The following TUSC3 variants were observed in gnomAD, a reference collection of about 807,000 sequenced individuals.
TUSC3 encodes tumor suppressor candidate 3.
In TUSC3, 45 loss-of-function variants were observed where a neutral mutation model predicts 44.8. The observed-to-expected ratio is 1.00, with a 90% CI of 0.79 to 1.29. The LOEUF is 1.29. Ranked by LOEUF, TUSC3 falls within the 50% of genes most tolerant of loss-of-function variation. The probability of loss-of-function intolerance (pLI) is 0.00; values close to 1 mark genes in which losing one functional copy is unlikely to be tolerated. For missense variants in TUSC3, 519 were observed against 437.9 expected (o/e 1.19, Z -1.65); for synonymous variants, 212 against 152.9 (o/e 1.39, Z -2.85).
At chr8:15,707,661 G>C (rs1809673145) in intron 6 of TUSC3, among the ~76,000 whole-genome samples, 2 of 151,906 alleles carry the variant, frequency 1.3e-5, no homozygotes, top group South Asian at 2.1e-4. Flanking sequence ...TGACTCTATA[G>C]GAGATGTGGA....
rs9657260 is a variant in TUSC3 at position 15,612,837 on chromosome 8, C to T, written c.139-10243C>T. 1.0e-2 allele frequency among the ~76,000 whole-genome samples: 1,512 copies of T among 151,922 alleles called. 24 individuals carry two copies. The highest frequency in any genetic ancestry group is 0.034 in the African/African-American group (1,424 of 41,436). ...TTATGGCATCTTGGACTGTATGTCC[C>T]ATCTTGTATCAGTAAGAGACAAAGC... On this transcript the variant is annotated intron_variant, in intron 1 of 10. Coordinates refer to ENST00000503731, the MANE Select transcript of TUSC3 (RefSeq NM_006765.4).
chr8:15,663,143 T>G (rs1235981696), intron 5 of TUSC3, among the ~76,000 whole-genome samples: 4 of 151,606 alleles, frequency 2.6e-5, no homozygotes, highest in African/African-American at 9.7e-5. Context: ...TCTTTCACAA[T>G]AGGAAGGGAA....
intron 6 of TUSC3, among the ~76,000 whole-genome samples, chr8:15,675,967 GTCGAAC>G (rs1808170988): frequency 6.6e-6 from 1 of 152,098 alleles, no homozygotes; most frequent in African/African-American, 2.4e-5. Flanking sequence ...GGATCGCTGG[GTCGAAC>G]GGTAGTTCTA....
chr8:15,432,431 A>G (rs1799883770), intron 1 of TUSC3, among the ~76,000 whole-genome samples: 1 of 152,080 alleles, frequency 6.6e-6, no homozygotes, highest in Non-Finnish European at 1.5e-5. Flanking sequence ...TACTTTATCC[A>G]TTAGAGCACT....
chr8:15,632,437 G>A (rs921472636), intron 2 of TUSC3, among the ~76,000 whole-genome samples: 2 of 152,112 alleles, frequency 1.3e-5, no homozygotes, highest in Non-Finnish European at 2.9e-5. Context: ...TCATATACCA[G>A]TGCTGAGATT....
At chr8:15,584,742 T>C (rs998660631) in intron 1 of TUSC3, among the ~76,000 whole-genome samples, 1 of 152,012 alleles carries the variant, frequency 6.6e-6, no homozygotes, top group Non-Finnish European at 1.5e-5. Flanking sequence ...AAATCCCAGG[T>C]AGTGAGAACA....
At chr8:15,678,806 C>A (rs2129184904) in intron 6 of TUSC3, among the ~76,000 whole-genome samples, 1 of 152,236 alleles carries the variant, frequency 6.6e-6, no homozygotes, top group Non-Finnish European at 1.5e-5. Flanking sequence ...GAGTCCGTAG[C>A]ATCTGTTGTT....
At chr8:15,511,411 G>T (rs1450291111) in intron 2 of TUSC3, among the ~76,000 whole-genome samples, 1 of 152,142 alleles carries the variant, frequency 6.6e-6, no homozygotes, top group African/African-American at 2.4e-5. Flanking sequence ...ATAGTTACTA[G>T]AAATATGTGA....
chr8:15,452,479 C>G (rs377383942), intron 1 of TUSC3, among the ~76,000 whole-genome samples: 4 of 152,102 alleles, frequency 2.6e-5, no homozygotes, highest in Admixed American at 2.0e-4. Context: ...GATGATATCT[C>G]CTTAGTTTCT....
chr8:15,806,904 G>A, the TUSC3 span: 10 of 1,359,018 alleles, frequency 7.4e-6, no homozygotes, highest in South Asian at 1.2e-4. Flanking sequence ...GCTTACATCT[G>A]TTGACCCACT....
intron 2 of TUSC3, among the ~76,000 whole-genome samples, chr8:15,639,426 C>G (rs997180289): frequency 2.0e-5 from 3 of 152,122 alleles, no homozygotes; most frequent in Non-Finnish European, 4.4e-5. Flanking sequence ...TGAAAAGTTT[C>G]TTGATAGACA....
rs1800279451 is a variant in TUSC3 at position 15,457,848 on chromosome 8, TC to T, written n.92-25537del. Among the ~76,000 whole-genome samples the T allele has an allele frequency of 2.6e-4, 10 of 38,826 alleles. No homozygotes were observed. The Admixed American group carries it at 2.7e-3, about 10-fold the overall frequency. The allele number at this position is 38,826 out of a possible 152,430, so 25.5% of individuals were successfully genotyped here. On this transcript the variant is annotated intron_variant and non_coding_transcript_variant, in intron 1 of 5. Transcript: ENST00000503191. ...AATTATTAATAAATTAGATTAATTA[TC>T]TAATAATTATCTAATAAATTAATTA...
chr8:15,603,654 G>A (rs1350259689), intron 1 of TUSC3, among the ~76,000 whole-genome samples: 3 of 151,484 alleles, frequency 2.0e-5, no homozygotes, highest in Non-Finnish European at 4.4e-5. Flanking sequence ...TTAGTGACAG[G>A]TCTGATAGCC....
the TUSC3 span, among the ~76,000 whole-genome samples, chr8:15,784,215 G>A: frequency 5.3e-5 from 8 of 152,238 alleles, no homozygotes; most frequent in South Asian, 6.2e-4. Context: ...TGAGGATGTG[G>A]AGAAAAGGGA....
the TUSC3 span, among the ~76,000 whole-genome samples, chr8:15,838,857 T>C: frequency 2.0e-5 from 3 of 152,276 alleles, no homozygotes; most frequent in Non-Finnish European, 4.4e-5. Flanking sequence ...TTTGGTTCCA[T>C]ATGAACTTTA....
the TUSC3 span, among the ~76,000 whole-genome samples, chr8:15,780,281 C>G: frequency 6.6e-6 from 1 of 152,232 alleles, no homozygotes; most frequent in Admixed American, 6.5e-5. Flanking sequence ...ACCCCAGGTA[C>G]TGCACAATAC....
intron 6 of TUSC3, among the ~76,000 whole-genome samples, chr8:15,681,874 A>G (rs1592685): frequency 0.041 from 6,267 of 152,054 alleles, 282 homozygotes; most frequent in East Asian, 0.17. Flanking sequence ...CTTTGCTGTC[A>G]TTTGATTCAA....
At chr8:15,716,841 T>A (rs1309609516) in intron 6 of TUSC3, among the ~76,000 whole-genome samples, 2 of 152,108 alleles carry the variant, frequency 1.3e-5, no homozygotes, top group Non-Finnish European at 2.9e-5. Flanking sequence ...TATACGATTT[T>A]TTTGAGTTTA....
At chr8:15,519,813 G>A (rs1801270406) in intron 2 of TUSC3, among the ~76,000 whole-genome samples, 1 of 152,158 alleles carries the variant, frequency 6.6e-6, no homozygotes, top group African/African-American at 2.4e-5. Context: ...GCAACTAGGT[G>A]CCTGTTCTAT....
Sources: gnomAD v4.1 joint callset for allele counts (sites outside exome capture counted in the v4.1 genomes callset) on GRCh38, gnomAD v4.1.1 for gene constraint, MANE v1.5 for transcripts, NCBI Gene and HGNC (gene_info 2026-07-23, HGNC 2026-07-21) for gene names.